CAMTA1: variants seen among roughly 807,000 people sequenced by gnomAD.
CAMTA1 encodes calmodulin binding transcription activator 1.
A neutral mutation model predicts 170.9 loss-of-function variants in CAMTA1; 27 were observed. The ratio of observed to expected loss-of-function variants is 0.16; its 90% CI spans 0.12 to 0.22. The LOEUF (loss-of-function observed/expected upper bound fraction) is 0.22. Among genes scored for constraint, CAMTA1 ranks in the 10% least tolerant of loss-of-function variants. The probability of loss-of-function intolerance (pLI) is 1.00; values close to 1 mark genes in which losing one functional copy is unlikely to be tolerated. For synonymous variants in CAMTA1, 833 were observed against 891.5 expected (o/e 0.93, Z 1.17); for missense variants, 1,619 against 2,217.2 (o/e 0.73, Z 5.42).
At chr1:7,386,294 G>A (rs1323026228) in intron 5 of CAMTA1, among the ~76,000 whole-genome samples, 2 of 152,200 alleles carry the variant, frequency 1.3e-5, no homozygotes, top group Non-Finnish European at 2.9e-5. Context: ...CAGAGTCCCC[G>A]TGATGCCCTG....
At chr1:7,567,592 G>A (rs572469286) in intron 6 of CAMTA1, among the ~76,000 whole-genome samples, 113 of 152,346 alleles carry the variant, frequency 7.4e-4, no homozygotes, top group African/African-American at 1.7e-3. Context: ...TTCCTGGTGG[G>A]TTGTTTGCAC....
At chr1:7,259,206 G>C (rs1359977997) in intron 5 of CAMTA1, among the ~76,000 whole-genome samples, 1 of 152,202 alleles carries the variant, frequency 6.6e-6, no homozygotes, top group Non-Finnish European at 1.5e-5. Context: ...AAGAGGGAAA[G>C]CAGGTGATTT....
chr1:7,458,852 G>T (rs2093019909), intron 5 of CAMTA1, among the ~76,000 whole-genome samples: 1 of 152,278 alleles, frequency 6.6e-6, no homozygotes, highest in African/African-American at 2.4e-5. Context: ...CCAAATCTCT[G>T]CTGTGACCCA....
chr1:7,093,415 G>A lies in CAMTA1; in HGVS notation c.302+2044G>A, dbSNP rs541977777. 1.5e-3 allele frequency among the ~76,000 whole-genome samples: 235 copies of A among 152,144 alleles called. No individual in the cohort carries two copies. Among genetic ancestry groups the A allele is most frequent in the Non-Finnish European group, 2.8e-3 (193 of 67,976 alleles). ...AGGGTGGCCCTTATCTCAAGCAGCC[G>A]CCAGCCTCTCCTTGCGCCCTTCACT... On this transcript the variant is annotated intron_variant, in intron 4 of 22. Coordinates refer to ENST00000303635, the MANE Select transcript of CAMTA1 (RefSeq NM_015215.4). The surrounding 1 kb of genome is among the most constrained non-coding windows in gnomAD (Gnocchi z 4.6).
intron 4 of CAMTA1, among the ~76,000 whole-genome samples, chr1:7,231,818 G>C (rs1662890641): frequency 6.6e-6 from 1 of 152,168 alleles, no homozygotes; most frequent in African/African-American, 2.4e-5. Context: ...TGTCAAATGG[G>C]GATCTAATCC....
Position 7,224,058 on chromosome 1 carries a change from C to T in CAMTA1, c.303-25433C>T, listed in dbSNP as rs1661268002. Among the ~76,000 whole-genome samples, 1 of 152,132 alleles carries T rather than the reference C, an allele frequency of 6.6e-6. No individual in the cohort carries two copies. The highest frequency in any genetic ancestry group is 1.5e-5 in the Non-Finnish European group (1 of 68,026). ...ACCACAGACTAATCTTAATCATAAT[C>T]ACTACCATGAACCCACATGACATGC... is the stretch of plus-strand genomic sequence containing the variant. On this transcript the variant is annotated intron_variant, in intron 4 of 22. Transcript: ENST00000303635. The surrounding 1 kb of genome is among the most constrained non-coding windows in gnomAD (Gnocchi z 5.2).
At chr1:7,043,410 G>T (rs1704807247) in intron 3 of CAMTA1, among the ~76,000 whole-genome samples, 1 of 152,180 alleles carries the variant, frequency 6.6e-6, no homozygotes, top group South Asian at 2.1e-4. Flanking sequence ...GTCAGGTGGG[G>T]TCAGTAATAG....
At chr1:6,972,062 C>A (rs1692639524) in intron 3 of CAMTA1, among the ~76,000 whole-genome samples, 1 of 152,106 alleles carries the variant, frequency 6.6e-6, no homozygotes, top group African/African-American at 2.4e-5. Context: ...AGAGTGAAGG[C>A]CCCAGAAGGA....
intron 3 of CAMTA1, among the ~76,000 whole-genome samples, chr1:6,925,295 C>T (rs1363823577): frequency 6.6e-6 from 1 of 152,252 alleles, no homozygotes; most frequent in Non-Finnish European, 1.5e-5. Context: ...AGCAGCCCTC[C>T]TGTCTCTCAT....
chr1:7,431,899 G>A (rs1193863938), intron 5 of CAMTA1, among the ~76,000 whole-genome samples: 4 of 152,134 alleles, frequency 2.6e-5, no homozygotes, highest in Non-Finnish European at 5.9e-5. Context: ...CTGTGCAGAG[G>A]CCCTTTGCAC....
chr1:7,633,258 G>A lies in CAMTA1; in HGVS notation c.511-7142G>A, dbSNP rs1266186893. Among the ~76,000 whole-genome samples, 1 of 152,222 alleles carries A rather than the reference G, an allele frequency of 6.6e-6. No homozygotes were observed. The highest frequency in any genetic ancestry group is 2.4e-5 in the African/African-American group (1 of 41,466). Reference sequence around the variant, plus strand: ...CCCTTCCACCACCTTCAGCCTGAGAGTCCTGTGCCTGGCAGGGCCCTGGGA... The same window carrying A: ...CCCTTCCACCACCTTCAGCCTGAGAATCCTGTGCCTGGCAGGGCCCTGGGA... On this transcript the variant is annotated intron_variant, in intron 6 of 22. Coordinates refer to ENST00000303635, the MANE Select transcript of CAMTA1 (RefSeq NM_015215.4). The surrounding 1 kb of genome is among the most constrained non-coding windows in gnomAD (Gnocchi z 4.1).
chr1:7,386,171 C>T (rs1354408922), intron 5 of CAMTA1, among the ~76,000 whole-genome samples: 1 of 152,228 alleles, frequency 6.6e-6, no homozygotes, highest in Admixed American at 6.5e-5. Context: ...GCGTTTTGAG[C>T]CCGTCTTTTC....
chr1:7,445,363 G>A (rs1054051657), intron 5 of CAMTA1, among the ~76,000 whole-genome samples: 6 of 151,926 alleles, frequency 3.9e-5, no homozygotes, highest in East Asian at 2.0e-4. Context: ...GGGTGGAGAC[G>A]GAGCTGGTGA....
chr1:6,916,443 T>A (rs1047651443), intron 3 of CAMTA1, among the ~76,000 whole-genome samples: 1 of 143,060 alleles, frequency 7.0e-6, no homozygotes, highest in African/African-American at 2.5e-5. Context: ...GAAACCAGGC[T>A]GCTCTCCCCC....
In CAMTA1 at chr1:7,232,687, G is replaced by A. The variant is rs114949569; in HGVS notation, c.303-16804G>A. ...GCACAGACCGGTGTTTGCAGGGGCC[G>A]GCTGTTTATGTAGCTCTCCCTTTGT... On this transcript the variant is annotated intron_variant, in intron 4 of 22. Coordinates refer to ENST00000303635, the MANE Select transcript of CAMTA1 (RefSeq NM_015215.4). 6.7e-3 allele frequency among the ~76,000 whole-genome samples: 1,019 copies of A among 152,162 alleles called. 8 individuals carry two copies. Among genetic ancestry groups the A allele is most frequent in the Non-Finnish European group, 0.011 (732 of 68,006 alleles).
chr1:7,417,793 C>T (rs539049195), intron 5 of CAMTA1, among the ~76,000 whole-genome samples: 13 of 152,336 alleles, frequency 8.5e-5, no homozygotes, highest in African/African-American at 3.1e-4. Flanking sequence ...CCTGCACCCA[C>T]CGTCCGGCAC....
intron 5 of CAMTA1, among the ~76,000 whole-genome samples, chr1:7,356,791 T>C (rs1239198479): frequency 6.6e-6 from 1 of 152,222 alleles, no homozygotes; most frequent in East Asian, 1.9e-4. Context: ...GCCTCTTCCA[T>C]CTACTGACCA....
chr1:7,099,949 T>G (rs1406326111), intron 4 of CAMTA1, among the ~76,000 whole-genome samples: 1 of 152,246 alleles, frequency 6.6e-6, no homozygotes, highest in African/African-American at 2.4e-5. Flanking sequence ...AGAATCAATG[T>G]GTCTCCCGCT....
chr1:7,763,223 A>G (rs536091897), intron 22 of CAMTA1, among the ~76,000 whole-genome samples: 31 of 152,322 alleles, frequency 2.0e-4, no homozygotes, highest in Non-Finnish European at 3.7e-4. Context: ...AGCTATTGGA[A>G]TTTAATACTT....
Sources: allele counts gnomAD v4.1 joint callset (sites outside exome capture counted in the v4.1 genomes callset), GRCh38; gene constraint gnomAD v4.1.1; non-coding constraint Gnocchi (gnomAD v3.1); transcripts MANE v1.5; gene names NCBI Gene and HGNC (gene_info 2026-07-23, HGNC 2026-07-21).